Variants in TGFBR3 observed in about 807,000 individuals in gnomAD.
TGFBR3 encodes the protein transforming growth factor beta receptor 3.
Under a neutral mutation model 87.9 loss-of-function variants are expected in TGFBR3, and 46 were observed. That is an observed-to-expected ratio of 0.52 (90% CI 0.41 to 0.67). The LOEUF is 0.67. Ranked by LOEUF, TGFBR3 falls within the 30% of genes least tolerant of loss-of-function variation. The pLI, the probability that TGFBR3 is intolerant of heterozygous loss-of-function variation, is 0.00. For missense variants in TGFBR3, 866 were observed against 1,041.9 expected (o/e 0.83, Z 2.32); for synonymous variants, 381 against 391.6 (o/e 0.97, Z 0.32).
chr1:91,721,888 A>C, intron 8 of TGFBR3, 67 bp downstream of exon 8: 4 of 1,438,100 alleles, frequency 2.8e-6, no homozygotes, highest in Non-Finnish European at 3.9e-6. Flanking sequence ...CTGAAATGAC[A>C]GTTCCTCACT....
Position 91,716,248 on chromosome 1 carries a change from G to A in TGFBR3, c.1854C>T (p.His618=), listed in dbSNP as rs1160630864. 26 of 1,613,880 alleles carry A rather than the reference G, an allele frequency of 1.6e-5. No individual in the cohort carries two copies. Among genetic ancestry groups the A allele is most frequent in the Middle Eastern group, 1.6e-4 (1 of 6,078 alleles). ...QGVFSVPENG[H]VYVEVSVTKA... is the part of the protein sequence containing the mutation. ...TTTCAGGTCTCACCTCAACATAAAC[G>A]TGTCCATTCTCTGGCACAGAGAAGA... is the stretch of plus-strand genomic sequence containing the variant. Residue 618 remains histidine (H), a synonymous_variant, in exon 12 of 17, where the codon CAC becomes CAT. Coordinates refer to ENST00000212355, the MANE Select transcript of TGFBR3 (RefSeq NM_003243.5).
Position 91,715,288 on chromosome 1 carries a change from C to A in TGFBR3, c.1866+948G>T, listed in dbSNP as rs1358064954. ...AACCTGGATGTTTGCATTGATAAGA[C>A]GTTATGTTTTCTCCCCTTTCAAATG... On this transcript the variant is annotated intron_variant, in intron 12 of 16. Coordinates refer to ENST00000212355, the MANE Select transcript of TGFBR3 (RefSeq NM_003243.5). Among the ~76,000 whole-genome samples the A allele has an allele frequency of 2.0e-5, 3 of 152,188 alleles. No homozygotes were observed. The South Asian group carries it at 6.2e-4, about 32-fold the overall frequency.
At chr1:91,883,169 T>C (rs1679163904) in intron 1 of TGFBR3, among the ~76,000 whole-genome samples, 1 of 152,162 alleles carries the variant, frequency 6.6e-6, no homozygotes, top group South Asian at 2.1e-4. Flanking sequence ...TTAGTTTACA[T>C]ACAAACTTCA....
At chr1:91,727,570 C>T in intron 7 of TGFBR3, 89 bp downstream of exon 7, 1 of 1,536,060 alleles carries the variant, frequency 6.5e-7, no homozygotes, top group South Asian at 1.1e-5. Context: ...TCCAAAGAGG[C>T]AGGAACTTTA....
chr1:91,833,425 C>CA (rs1321213981), intron 2 of TGFBR3, among the ~76,000 whole-genome samples: 1 of 136,412 alleles, frequency 7.3e-6, no homozygotes, highest in Non-Finnish European at 1.5e-5. Flanking sequence ...CACACCACTG[C>CA]ACTCCACCCT....
rs1193478498 is a variant in TGFBR3, at chr1:91,802,952, C to T, written c.62-5481G>A. 9.2e-5 allele frequency among the ~76,000 whole-genome samples: 14 copies of T among 152,280 alleles called. No homozygotes were observed. In the East Asian group the frequency reaches 2.5e-3, roughly 27 times the overall value. On this transcript the variant is annotated intron_variant, in intron 2 of 16. Transcript: ENST00000212355. Reference sequence around the variant, plus strand: ...TCCTCTCCATCTCCATGGGCACCATCGTCTCTCGTTCCCTGATTACTGCAA... The same window carrying T: ...TCCTCTCCATCTCCATGGGCACCATTGTCTCTCGTTCCCTGATTACTGCAA...
At chr1:91,846,503 G>T (rs1352438) in intron 2 of TGFBR3, among the ~76,000 whole-genome samples, 3 of 151,796 alleles carry the variant, frequency 2.0e-5, no homozygotes, top group African/African-American at 7.3e-5. Context: ...TCAGGCTCTC[G>T]GAGTCCTCTA....
At chr1:91,697,281 T>C (rs184232340) in intron 15 of TGFBR3, among the ~76,000 whole-genome samples, 4 of 151,080 alleles carry the variant, frequency 2.6e-5, no homozygotes, top group African/African-American at 9.9e-5. Context: ...TTAAAAAAAA[T>C]AATCCACTTA....
At chr1:91,729,749 C>A (rs1250897683) in intron 6 of TGFBR3, 56 bp downstream of exon 6, 5 of 1,604,802 alleles carry the variant, frequency 3.1e-6, no homozygotes, top group Admixed American at 1.7e-5. Flanking sequence ...TGCCTCAAGT[C>A]AAGGAAGATC....
At chr1:91,755,529 C>A (rs755431132) in intron 4 of TGFBR3, among the ~76,000 whole-genome samples, 2 of 152,164 alleles carry the variant, frequency 1.3e-5, no homozygotes, top group Non-Finnish European at 2.9e-5. Context: ...CTTGACTTCT[C>A]CTGATGCTGC....
chr1:91,787,175 C>T (rs899055130), intron 3 of TGFBR3, among the ~76,000 whole-genome samples: 11 of 152,088 alleles, frequency 7.2e-5, no homozygotes, highest in Admixed American at 5.2e-4. Flanking sequence ...GTGGCACATG[C>T]CTATGGTCCC....
intron 10 of TGFBR3, among the ~76,000 whole-genome samples, chr1:91,717,882 T>A (rs573983544): frequency 1.9e-4 from 29 of 151,988 alleles, no homozygotes; most frequent in African/African-American, 6.7e-4. Context: ...GACTTTTTTT[T>A]TTTTTTATTT....
intron 4 of TGFBR3, among the ~76,000 whole-genome samples, chr1:91,745,453 A>T (rs1217100336): frequency 1.3e-5 from 2 of 152,230 alleles, no homozygotes; most frequent in Admixed American, 6.5e-5. Flanking sequence ...ATTCCTCAAG[A>T]ATCTCAGTTG....
In TGFBR3 at chr1:91,698,075, G is replaced by T; in HGVS notation, c.2329+14C>A. 6.2e-7 allele frequency: 1 copy of T among 1,613,096 alleles called. No individual in the cohort carries two copies. The highest frequency in any genetic ancestry group is 1.3e-5 in the African/African-American group (1 of 75,026). On this transcript the variant is annotated intron_variant, in intron 15 of 16. Transcript: ENST00000212355. ...CAGGAGGTTTTATTTCGAAATAGTT[G>T]CATAAAGACTTACGTGGAGAAATTG...
chr1:91,731,465 G>A (rs1268119743), intron 5 of TGFBR3, among the ~76,000 whole-genome samples: 2 of 152,200 alleles, frequency 1.3e-5, no homozygotes, highest in Admixed American at 1.3e-4. Context: ...AGAGAGAAAA[G>A]CTCAAGGCTC....
At chr1:91,740,096 G>A (rs1300284478) in intron 4 of TGFBR3, among the ~76,000 whole-genome samples, 1 of 152,086 alleles carries the variant, frequency 6.6e-6, no homozygotes, top group Non-Finnish European at 1.5e-5. Context: ...TCTTGCTCTT[G>A]TCACCCAGGC....
chr1:91,748,953 G>A (rs974056461), intron 4 of TGFBR3, among the ~76,000 whole-genome samples: 2 of 151,894 alleles, frequency 1.3e-5, no homozygotes, highest in Admixed American at 6.6e-5. Context: ...CCTCACACAC[G>A]GCACACACTA....
chr1:91,815,233 C>T (rs564239160), intron 2 of TGFBR3, among the ~76,000 whole-genome samples: 2 of 145,882 alleles, frequency 1.4e-5, no homozygotes, highest in South Asian at 2.2e-4. Context: ...ACCCGGGAGG[C>T]GGAGGTTGCA....
At chr1:91,799,515 C>T (rs1445690117) in intron 2 of TGFBR3, among the ~76,000 whole-genome samples, 4 of 152,218 alleles carry the variant, frequency 2.6e-5, no homozygotes, top group Non-Finnish European at 5.9e-5. Flanking sequence ...ACACCCAGAG[C>T]TTCAAGAAAT....
Sources: allele counts gnomAD v4.1 joint callset (sites outside exome capture counted in the v4.1 genomes callset), GRCh38; gene constraint gnomAD v4.1.1; transcripts MANE v1.5; gene names NCBI Gene and HGNC (gene_info 2026-07-23, HGNC 2026-07-21).